Variants in EXOC4 observed in about 807,000 individuals in gnomAD.
The protein encoded by EXOC4 is exocyst complex component 4.
EXOC4 carries 71 observed loss-of-function variants against 107.2 expected under a neutral mutation model. The observed-to-expected ratio is 0.66, with a 90% CI of 0.55 to 0.81. The LOEUF is 0.81. EXOC4 is among the 30% of genes least tolerant of loss of function. EXOC4 has a pLI of 0.00. For missense variants in EXOC4, 1,108 were observed against 1,189.6 expected (o/e 0.93, Z 1.01); for synonymous variants, 456 against 441.2 (o/e 1.03, Z -0.42).
chr7:133,488,178 A>G (rs1166566598), intron 9 of EXOC4, among the ~76,000 whole-genome samples: 12 of 152,222 alleles, frequency 7.9e-5, no homozygotes, highest in Admixed American at 7.9e-4. Flanking sequence ...GAAGGGAGCT[A>G]TTAATTAACA....
intron 9 of EXOC4, among the ~76,000 whole-genome samples, chr7:133,550,103 C>T (rs1007228895): frequency 6.6e-6 from 1 of 151,986 alleles, no homozygotes; most frequent in African/African-American, 2.4e-5. Flanking sequence ...GTTACAAAGC[C>T]CTTGTTGCCT....
intron 9 of EXOC4, among the ~76,000 whole-genome samples, chr7:133,601,488 C>T (rs573374745): frequency 2.0e-5 from 3 of 152,202 alleles, no homozygotes; most frequent in Admixed American, 6.5e-5. Flanking sequence ...GCATCTGTCC[C>T]ACCATTATAT....
chr7:133,823,318 G>A (rs1797569673), intron 11 of EXOC4, among the ~76,000 whole-genome samples: 1 of 152,002 alleles, frequency 6.6e-6, no homozygotes, highest in Non-Finnish European at 1.5e-5. Flanking sequence ...TCTCACCAAC[G>A]CTACCCATTA....
chr7:134,086,054 G>A, the EXOC4 span, among the ~76,000 whole-genome samples: 2 of 152,148 alleles, frequency 1.3e-5, no homozygotes, highest in South Asian at 4.1e-4. Context: ...CCTTGGCTAA[G>A]GCTAGAGACT....
At chr7:133,780,120 T>C (rs1461976571) in intron 10 of EXOC4, among the ~76,000 whole-genome samples, 2 of 152,120 alleles carry the variant, frequency 1.3e-5, no homozygotes, top group South Asian at 2.1e-4. Flanking sequence ...GCTTGACAAG[T>C]CATATTATCA....
intron 15 of EXOC4, among the ~76,000 whole-genome samples, chr7:134,002,457 T>TA (rs1246078290): frequency 6.6e-6 from 1 of 152,072 alleles, no homozygotes; most frequent in Non-Finnish European, 1.5e-5. Context: ...CATCCAAAAA[T>TA]AAAAAAGTTA....
At chr7:134,031,252 G>A (rs1328688346) in intron 17 of EXOC4, among the ~76,000 whole-genome samples, 2 of 152,136 alleles carry the variant, frequency 1.3e-5, no homozygotes, top group African/African-American at 2.4e-5. Flanking sequence ...ACTTTAAATT[G>A]GTGATTTGTA....
At chr7:133,392,128 T>C (rs1796866795) in intron 7 of EXOC4, among the ~76,000 whole-genome samples, 1 of 152,204 alleles carries the variant, frequency 6.6e-6, no homozygotes, top group African/African-American at 2.4e-5. Context: ...GGGTTGAATT[T>C]CATTGGACAT....
chr7:133,629,061 C>T (rs1407230436), intron 9 of EXOC4, among the ~76,000 whole-genome samples: 1 of 152,102 alleles, frequency 6.6e-6, no homozygotes, highest in African/African-American at 2.4e-5. Flanking sequence ...TTAAGAATAC[C>T]TTAACAAACT....
At chr7:134,062,691 C>T (rs763516006) in intron 17 of EXOC4, among the ~76,000 whole-genome samples, 3 of 152,176 alleles carry the variant, frequency 2.0e-5, no homozygotes, top group Non-Finnish European at 4.4e-5. Context: ...GGCTCAGAGT[C>T]TGTGTTGAAC....
chr7:133,573,841 C>A (rs981495067), intron 9 of EXOC4, among the ~76,000 whole-genome samples: 3 of 152,140 alleles, frequency 2.0e-5, no homozygotes, highest in Non-Finnish European at 4.4e-5. Flanking sequence ...TAACTGCCAG[C>A]CTACGGTTTG....
At chr7:133,613,063 A>C (rs375143645) in intron 9 of EXOC4, among the ~76,000 whole-genome samples, 1 of 152,172 alleles carries the variant, frequency 6.6e-6, no homozygotes, top group South Asian at 2.1e-4. Context: ...CTCAAGAGAC[A>C]AAGTGTGTAG....
At chr7:133,898,602 C>T (rs1257744215) in intron 12 of EXOC4, among the ~76,000 whole-genome samples, 1 of 151,804 alleles carries the variant, frequency 6.6e-6, no homozygotes, top group Admixed American at 6.6e-5. Flanking sequence ...AAAAAATTAG[C>T]CGGGCGTGGT....
At chr7:133,442,855 A>C (rs1205188119) in intron 7 of EXOC4, among the ~76,000 whole-genome samples, 2 of 152,166 alleles carry the variant, frequency 1.3e-5, no homozygotes, top group Non-Finnish European at 2.9e-5. Context: ...ATTTGTAATA[A>C]AGAGAAGATG....
At chr7:133,931,288 A>T (rs571357796) in intron 13 of EXOC4, among the ~76,000 whole-genome samples, 2 of 121,352 alleles carry the variant, frequency 1.6e-5, no homozygotes, top group African/African-American at 7.6e-5. Context: ...GAGTCACCCA[A>T]TAGTGGCTCA....
At chr7:133,422,550 T>A (rs1157852867) in intron 7 of EXOC4, among the ~76,000 whole-genome samples, 2 of 152,226 alleles carry the variant, frequency 1.3e-5, no homozygotes, top group Non-Finnish European at 2.9e-5. Flanking sequence ...TTAAATTAGA[T>A]GGGAGCCAGT....
chr7:133,855,126 T>A (rs1351627994), intron 11 of EXOC4, among the ~76,000 whole-genome samples: 54 of 73,732 alleles, frequency 7.3e-4, no homozygotes, highest in African/African-American at 2.1e-3. Context: ...TATATATATA[T>A]AAATATATAT....
At chr7:133,440,933 C>T (rs1563066986) in intron 7 of EXOC4, among the ~76,000 whole-genome samples, 2 of 152,176 alleles carry the variant, frequency 1.3e-5, no homozygotes. Context: ...ATAAAACTTG[C>T]TTTCACTTTA....
At chr7:133,456,878 C>T (rs1798475100) in intron 7 of EXOC4, among the ~76,000 whole-genome samples, 1 of 152,156 alleles carries the variant, frequency 6.6e-6, no homozygotes, top group Non-Finnish European at 1.5e-5. Context: ...TTGAAGAACA[C>T]AGATAACACT....
Sources: gnomAD v4.1 joint callset for allele counts (sites outside exome capture counted in the v4.1 genomes callset) on GRCh38, gnomAD v4.1.1 for gene constraint, MANE v1.5 for transcripts, NCBI Gene and HGNC (gene_info 2026-07-23, HGNC 2026-07-21) for gene names.